Variants in DIDO1 observed in about 807,000 individuals in gnomAD.
DIDO1 encodes the protein death inducer-obliterator 1.
DIDO1 carries 16 observed loss-of-function variants against 99.4 expected under a neutral mutation model. The observed-to-expected ratio is 0.16, with a 90% CI of 0.11 to 0.24. DIDO1 has a LOEUF of 0.24. DIDO1 is among the 10% of genes least tolerant of loss of function. The pLI is 1.00. For synonymous variants in DIDO1, 1,366 were observed against 1,239.1 expected, an observed-to-expected ratio of 1.10 and a Z score of -2.15; for missense variants, 2,996 against 3,014.0, an observed-to-expected ratio of 0.99 and a Z score of 0.14.
At chr20:62,908,948 G>A (rs1408478296) in intron 4 of DIDO1, among the ~76,000 whole-genome samples, 2 of 152,262 alleles carry the variant, frequency 1.3e-5, no homozygotes, top group Non-Finnish European at 2.9e-5. Flanking sequence ...ATCTCTGAAT[G>A]CCCAGATGTG....
chr20:62,929,342 G>A (rs915981025), upstream of DIDO1: 3 of 152,328 alleles, frequency 2.0e-5, no homozygotes, highest in Admixed American at 6.5e-5. Context: ...AGGGGCACGG[G>A]GAGGGGCGAG....
rs187540362 is a variant in DIDO1 at position 62,915,703 on chromosome 20, G to A, written c.-199-1297C>T. On this transcript the variant is annotated intron_variant, in intron 1 of 15. Transcript: ENST00000395343. ...AGACAGGGTTTTGCTATGTTATCCA[G>A]GCTGGTCTTGAACTGCTGGCCTCAA... Among the ~76,000 whole-genome samples, 28 of 152,124 alleles carry A rather than the reference G, an allele frequency of 1.8e-4. 1 individual carries two copies. The East Asian group carries it at 5.4e-3, about 29-fold the overall frequency.
chr20:62,924,920 G>A (rs1601039008), intron 1 of DIDO1, among the ~76,000 whole-genome samples: 1 of 152,230 alleles, frequency 6.6e-6, no homozygotes. Flanking sequence ...CAAAACAAGA[G>A]GTATCTTATG....
intron 4 of DIDO1, among the ~76,000 whole-genome samples, chr20:62,907,787 C>G (rs1012577274): frequency 6.6e-6 from 1 of 152,210 alleles, no homozygotes; most frequent in Admixed American, 6.5e-5. Flanking sequence ...AAAAAAGGAA[C>G]TGGGTCTTTC....
Position 62,880,309 on chromosome 20 carries a change from C to T in DIDO1, c.5647G>A (p.Gly1883Ser). 6.2e-7 allele frequency: 1 copy of T among 1,612,836 alleles called. No homozygotes were observed. The highest frequency in any genetic ancestry group is 8.5e-7 in the Non-Finnish European group (1 of 1,180,000). Residue 1883 changes from glycine (G) to serine (S), a missense_variant, in exon 16 of 16, where the codon GGC becomes AGC. By Grantham distance (56) the Gly-to-Ser change is moderately conservative. Around this residue, in one of 5 missense-constraint regions of DIDO1, gnomAD observed 1,562 missense variants for 1,412.6 expected, o/e 1.11. Transcript: ENST00000395343. ...TEQAPFLGSR[G>S]GAPFQFGGQR... ...CCTCCGAACTGGAAAGGCGCGCCGC[C>T]TCTGCTTCCCAGAAATGGGGCTTGC...
chr20:62,899,844 G>C (rs1385557504), intron 6 of DIDO1, among the ~76,000 whole-genome samples: 3 of 152,212 alleles, frequency 2.0e-5, no homozygotes, highest in African/African-American at 7.2e-5. Flanking sequence ...TCCAGCAACT[G>C]TTCCAGGGAC....
At chr20:62,919,237 A>G (rs2065091914) in intron 1 of DIDO1, among the ~76,000 whole-genome samples, 1 of 152,210 alleles carries the variant, frequency 6.6e-6, no homozygotes, top group Non-Finnish European at 1.5e-5. Flanking sequence ...TGCTTACCAA[A>G]TAATACCGTC....
At chr20:62,929,915 A>C (rs1177664131), upstream of DIDO1, among the ~76,000 whole-genome samples, 1 of 151,950 alleles carries the variant, frequency 6.6e-6, no homozygotes, top group Non-Finnish European at 1.5e-5. Flanking sequence ...ACACGAAAGC[A>C]CTGCCTTTGG....
At position 62,896,151 on chromosome 20, in the gene DIDO1, A is replaced by T; in HGVS notation, c.2214+82T>A. The T allele has an allele frequency of 7.3e-7, 1 of 1,375,294 alleles. No homozygotes were observed. 85.2% of individuals were successfully genotyped at this position (1,375,294 alleles called of 1,614,324 possible). A position where few individuals can be genotyped will look rare whatever the true frequency, so the allele number is the denominator to read the frequency against. On this transcript the variant is annotated intron_variant, in intron 8 of 15. Coordinates refer to ENST00000395343, the MANE Select transcript of DIDO1 (RefSeq NM_001193369.2). The surrounding 1 kb of genome is among the most constrained non-coding windows in gnomAD (Gnocchi z 4.4). ...CTTAGCTTTCCTGGAAAGGACACGA[A>T]CATCTCAAAATATTGGTTGATCCCT...
intron 1 of DIDO1, among the ~76,000 whole-genome samples, chr20:62,916,688 T>C (rs1310372088): frequency 6.6e-6 from 1 of 152,214 alleles, no homozygotes; most frequent in Non-Finnish European, 1.5e-5. Flanking sequence ...GCCCTCAATC[T>C]GTTCCCATAG....
At chr20:62,883,989 G>A (rs1458605243) in intron 15 of DIDO1, among the ~76,000 whole-genome samples, 1 of 152,200 alleles carries the variant, frequency 6.6e-6, no homozygotes, top group Non-Finnish European at 1.5e-5. Flanking sequence ...CTGGGCAACA[G>A]AGTGAGACTC....
Position 62,910,947 on chromosome 20 carries a change from A to G in DIDO1, c.666T>C (p.Asp222=), listed in dbSNP as rs765038001. Residue 222 remains aspartate, a synonymous_variant, in exon 3 of 16, where the codon GAT becomes GAC. Transcript: ENST00000395343. ...VLPSKQEPEN[D]QGVVSQAGKD... ...TCCCAGCCTGGGACACAACCCCCTG[A>G]TCGTTCTCGGGCTCCTGCTTACTGG... 20 of 1,613,660 alleles carry G rather than the reference A, an allele frequency of 1.2e-5. No individual in the cohort carries two copies. The highest frequency in any genetic ancestry group is 1.7e-6 in the Non-Finnish European group (2 of 1,179,990).
rs202160085 is a variant in DIDO1, at chr20:62,931,792, GGGCTACAATTGTGCA to G, written c.-200+5989_-200+6003del. On this transcript the variant is annotated intron_variant, in intron 1 of 15. Coordinates refer to the DIDO1 transcript ENST00000266070. ...GTATGGGACCTTAGGGGTAAGGATA[GGGCTACAATTGTGCA>G]GGCTACAATTAAAGATTTTTTTCTT... Among the ~76,000 whole-genome samples the G allele has an allele frequency of 2.8e-3, 421 of 152,274 alleles. 1 individual carries two copies. Among genetic ancestry groups the G allele is most frequent in the African/African-American group, 9.7e-3 (402 of 41,552 alleles).
intron 6 of DIDO1, among the ~76,000 whole-genome samples, chr20:62,901,364 G>A (rs548000340): frequency 1.1e-4 from 16 of 152,312 alleles, no homozygotes; most frequent in African/African-American, 3.6e-4. Context: ...TGAGGGCCAC[G>A]TGGACAGATG....
chr20:62,925,625 G>A (rs964954383), intron 1 of DIDO1, among the ~76,000 whole-genome samples: 1 of 152,174 alleles, frequency 6.6e-6, no homozygotes, highest in South Asian at 2.1e-4. Flanking sequence ...ATATATTAAA[G>A]TCCTTTATTT....
chr20:62,882,849 C>T (rs1035392756), intron 15 of DIDO1, among the ~76,000 whole-genome samples: 8 of 151,600 alleles, frequency 5.3e-5, no homozygotes, highest in Non-Finnish European at 1.2e-4. Context: ...CGCACATGCC[C>T]TCAACACAAC....
chr20:62,923,473 C>T (rs944624920), intron 1 of DIDO1, among the ~76,000 whole-genome samples: 6 of 152,124 alleles, frequency 3.9e-5, no homozygotes, highest in African/African-American at 1.2e-4. Context: ...CATGCCCGGC[C>T]GGGAATTCTT....
chr20:62,887,532 G>C, intron 15 of DIDO1: 1 of 985,438 alleles, frequency 1.0e-6, no homozygotes. Flanking sequence ...CCCTGTACTT[G>C]GGGAGAACAG....
In DIDO1 at chr20:62,892,926, C is replaced by T. The variant is rs754772333; in HGVS notation, c.3138G>A (p.Thr1046=). 3.3e-5 allele frequency: 53 copies of T among 1,613,792 alleles called. No individual in the cohort carries two copies. Among genetic ancestry groups the T allele is most frequent in the Non-Finnish European group, 3.9e-5 (46 of 1,179,842 alleles). The part of the protein sequence containing the change: ...SESRSPPEGD[T]TLFLSRLSTI... The stretch of plus-strand genomic sequence containing the variant: ...TGCTGAGTCGAGACAAAAAGAGGGT[C>T]GTGTCTCCCTCTGGAGGGGAACGTG... The change falls in exon 13 of 16, where the codon ACG becomes ACA. Residue 1046 remains threonine, a synonymous_variant. Coordinates refer to ENST00000395343, the MANE Select transcript of DIDO1 (RefSeq NM_001193369.2).
Sources: allele counts gnomAD v4.1 joint callset (sites outside exome capture counted in the v4.1 genomes callset), GRCh38; gene constraint gnomAD v4.1.1; regional missense constraint gnomAD v4.1.1; non-coding constraint Gnocchi (gnomAD v3.1); transcripts MANE v1.5; gene names NCBI Gene and HGNC (gene_info 2026-07-23, HGNC 2026-07-21).